Variants in CASZ1 observed in about 807,000 individuals in gnomAD.
The protein encoded by CASZ1 is castor zinc finger 1.
CASZ1 carries 28 observed loss-of-function variants against 135.2 expected under a neutral mutation model. The ratio of observed to expected loss-of-function variants is 0.21; its 90% confidence interval spans 0.15 to 0.28. The LOEUF (loss-of-function observed/expected upper bound fraction) is 0.28, where lower values mean the gene tolerates loss of function less well. Among genes scored for constraint, CASZ1 ranks in the 10% least tolerant of loss-of-function variants. The probability of loss-of-function intolerance (pLI) is 1.00; values close to 1 mark genes in which losing one functional copy is unlikely to be tolerated. For synonymous variants in CASZ1, 1,068 were observed against 1,073.4 expected (o/e 0.99, Z 0.10); for missense variants, 2,161 against 2,453.3 (o/e 0.88, Z 2.52).
Position 10,681,956 on chromosome 1 carries a change from G to A in CASZ1, c.16+11918C>T, listed in dbSNP as rs182898782. On this transcript the variant is annotated intron_variant, in intron 4 of 20. Transcript: ENST00000377022. ...GGCCCCAGTTGTTCGAACATTTCTCGGCGAGAGGAACAACTGTTGCTGGCC... is the reference window on the plus strand; with the variant it reads ...GGCCCCAGTTGTTCGAACATTTCTCAGCGAGAGGAACAACTGTTGCTGGCC... Among the ~76,000 whole-genome samples, 5 of 152,302 alleles carry A rather than the reference G, an allele frequency of 3.3e-5. No individual in the cohort carries two copies. The East Asian group carries it at 5.8e-4, about 18-fold the overall frequency.
In CASZ1 at chr1:10,670,025, G is replaced by A. The variant is rs149534519; in HGVS notation, c.17-4454C>T. On this transcript the variant is annotated intron_variant, in intron 4 of 20. Transcript: ENST00000377022. ...TAAGGATGCAGTATCCCCTTTGGGC[G>A]GCCTAATGCCCGCTGTATATCAGGA... is the stretch of plus-strand genomic sequence containing the variant. Among the ~76,000 whole-genome samples, 22 of 152,320 alleles carry A rather than the reference G, an allele frequency of 1.4e-4. No individual in the cohort carries two copies. In the South Asian group the frequency reaches 1.4e-3, roughly 10 times the overall value.
In CASZ1 at chr1:10,643,146, G is replaced by GT. The variant is rs146039805; in HGVS notation, c.4020+13_4020+14insA. On this transcript the variant is annotated intron_variant, in intron 19 of 20. Transcript: ENST00000377022. ...GCCACCCTGGCTGGGCTCTCACCTG[G>GT]GGGGGGCTCTCACCTGGGAGGGGGG... The GT allele has an allele frequency of 1.9e-6, 3 of 1,609,464 alleles. No homozygotes were observed. Among genetic ancestry groups the GT allele is most frequent in the South Asian group, 1.1e-5 (1 of 90,798 alleles).
In CASZ1 at chr1:10,697,898, G is replaced by A. The variant is rs1036853828; in HGVS notation, c.-23-3986C>T. ...AGTCCGTGTGTTTGCGTGTGAGCCC[G>A]CTCCGGGGCCGATGGAGGGAGGGTG... On this transcript the variant is annotated intron_variant, in intron 3 of 20. Coordinates refer to ENST00000377022, the MANE Select transcript of CASZ1 (RefSeq NM_001079843.3). The surrounding 1 kb of genome is among the most constrained non-coding windows in gnomAD (Gnocchi z 4.7). 9.2e-5 allele frequency among the ~76,000 whole-genome samples: 14 copies of A among 152,244 alleles called. No individual in the cohort carries two copies. Among genetic ancestry groups the A allele is most frequent in the African/African-American group, 1.9e-4 (8 of 41,456 alleles).
chr1:10,696,842 G>A (rs527422293), intron 3 of CASZ1, among the ~76,000 whole-genome samples: 2 of 152,352 alleles, frequency 1.3e-5, no homozygotes, highest in East Asian at 1.9e-4. Context: ...AGGAAGGTGT[G>A]GAGGGGAAAA....
intron 18 of CASZ1, among the ~76,000 whole-genome samples, chr1:10,643,537 G>A (rs537581565): frequency 2.6e-5 from 4 of 152,356 alleles, no homozygotes; most frequent in Non-Finnish European, 1.5e-5. Flanking sequence ...TGGCAGAGGC[G>A]AGTGACAATG....
At position 10,650,869 on chromosome 1, in the gene CASZ1, C is replaced by A. The variant is rs149817523; in HGVS notation, c.2816+72G>T. 37 of 1,604,966 alleles carry A rather than the reference C, an allele frequency of 2.3e-5. 1 individual carries two copies. In the East Asian group the frequency reaches 7.1e-4, roughly 31 times the overall value. ...GCCGAGCCCGCTGCAACTGCCTGGG[C>A]GGGACCACCCCGGGGCTCCAGCTCG... On this transcript the variant is annotated intron_variant, in intron 12 of 20. Transcript: ENST00000377022.
intron 3 of CASZ1, among the ~76,000 whole-genome samples, chr1:10,695,251 G>A (rs534906432): frequency 6.6e-6 from 1 of 151,996 alleles, no homozygotes; most frequent in Non-Finnish European, 1.5e-5. Context: ...CCCCAGGAGC[G>A]CCGGCCTGGG....
chr1:10,659,521 CTGTG>C (rs1359724117), intron 6 of CASZ1, among the ~76,000 whole-genome samples, 177 bp downstream of exon 6: 1 of 152,174 alleles, frequency 6.6e-6, no homozygotes, highest in South Asian at 2.1e-4. Context: ...CGGCGCGCAC[CTGTG>C]TGTGTGGAAG....
Position 10,647,499 on chromosome 1 carries a change from C to T in CASZ1, c.3497+302G>A. Reference sequence around the variant, plus strand: ...TCCTTGTCAGGCTGGGAGTTGTCCTCTGAGGACCACCACGCCCAGTCCACC... The same window carrying T: ...TCCTTGTCAGGCTGGGAGTTGTCCTTTGAGGACCACCACGCCCAGTCCACC... On this transcript the variant is annotated intron_variant, in intron 16 of 20. Coordinates refer to ENST00000377022, the MANE Select transcript of CASZ1 (RefSeq NM_001079843.3). This position sits in a 1 kb window ranked among gnomAD's most constrained non-coding sequence, Gnocchi z 4.9. 1.5e-6 allele frequency: 2 copies of T among 1,296,162 alleles called. No homozygotes were observed. Among genetic ancestry groups the T allele is most frequent in the Non-Finnish European group, 2.0e-6 (2 of 1,014,050 alleles). 80.3% of individuals were successfully genotyped at this position (1,296,162 alleles called of 1,614,324 possible).
chr1:10,671,020 C>T (rs1643381989), intron 4 of CASZ1, among the ~76,000 whole-genome samples: 1 of 152,266 alleles, frequency 6.6e-6, no homozygotes, highest in Non-Finnish European at 1.5e-5. Context: ...CCCTCAACAG[C>T]TCCAACTTGG....
Position 10,646,478 on chromosome 1 carries a change from C to G in CASZ1, c.3498-152G>C. 1 of 715,962 alleles carries G rather than the reference C, an allele frequency of 1.4e-6. No individual in the cohort carries two copies. 44.4% of individuals were successfully genotyped at this position (715,962 alleles called of 1,614,324 possible). On this transcript the variant is annotated intron_variant, in intron 16 of 20. Coordinates refer to ENST00000377022, the MANE Select transcript of CASZ1 (RefSeq NM_001079843.3). The surrounding 1 kb of genome is among the most constrained non-coding windows in gnomAD (Gnocchi z 6.4). ...GCTGCTGTCCTGCTCAACAGGATGA[C>G]TCAGCTGGAGACTACAGATCCCAGC...
rs965422779 is a variant in CASZ1 at position 10,757,267 on chromosome 1, C to T, written c.-77+3434G>A. ...AGGAGAAGACACAGAGCCACAAATCCGCGGGCACAGAATGCTTGAGTCATC... is the reference window on the plus strand; with the variant it reads ...AGGAGAAGACACAGAGCCACAAATCTGCGGGCACAGAATGCTTGAGTCATC... On this transcript the variant is annotated intron_variant, in intron 2 of 20. Coordinates refer to ENST00000377022, the MANE Select transcript of CASZ1 (RefSeq NM_001079843.3). This position sits in a 1 kb window ranked among gnomAD's most constrained non-coding sequence, Gnocchi z 4.6. Among the ~76,000 whole-genome samples the T allele has an allele frequency of 3.3e-5, 5 of 152,166 alleles. No individual in the cohort carries two copies. The highest frequency in any genetic ancestry group is 7.2e-5 in the African/African-American group (3 of 41,424).
chr1:10,690,696 C>T (rs1638739191), intron 4 of CASZ1, among the ~76,000 whole-genome samples: 1 of 152,238 alleles, frequency 6.6e-6, no homozygotes, highest in South Asian at 2.1e-4. Flanking sequence ...AGTCCGTGGC[C>T]ATCCCTTTAA....
In CASZ1 at chr1:10,719,859, G is replaced by A. The variant is rs1043204798; in HGVS notation, c.-76-14315C>T. ...GGTTCAAAGGCCCACAGAAGCCACC[G>A]GAGGCAGCTCCCAGCCCCTGAGAGG... On this transcript the variant is annotated intron_variant, in intron 2 of 20. Transcript: ENST00000377022. This position sits in a 1 kb window ranked among gnomAD's most constrained non-coding sequence, Gnocchi z 4.0. 3.3e-5 allele frequency among the ~76,000 whole-genome samples: 5 copies of A among 152,252 alleles called. No homozygotes were observed. Among genetic ancestry groups the A allele is most frequent in the Non-Finnish European group, 5.9e-5 (4 of 68,050 alleles).
At chr1:10,728,361 G>A (rs1030738612) in intron 2 of CASZ1, among the ~76,000 whole-genome samples, 8 of 152,180 alleles carry the variant, frequency 5.3e-5, no homozygotes, top group African/African-American at 1.9e-4. Flanking sequence ...ATGGACCACG[G>A]GAAAAGGTCA....
intron 2 of CASZ1, among the ~76,000 whole-genome samples, chr1:10,749,958 G>T (rs78971008): frequency 0.038 from 5,838 of 152,296 alleles, 147 homozygotes; most frequent in East Asian, 0.13. Context: ...CTGGCTCTCT[G>T]TTGGCACCTC....
chr1:10,643,723 C>T (rs541478987), intron 18 of CASZ1, among the ~76,000 whole-genome samples: 91 of 152,304 alleles, frequency 6.0e-4, no homozygotes, highest in African/African-American at 1.8e-3. Flanking sequence ...CCAGCACCCA[C>T]GGGGCCTCGC....
At chr1:10,695,008 A>G (rs1638898110) in intron 3 of CASZ1, among the ~76,000 whole-genome samples, 1 of 145,738 alleles carries the variant, frequency 6.9e-6, no homozygotes, top group Non-Finnish European at 1.5e-5. Flanking sequence ...CTTTTCCGCG[A>G]GGGCGGGCGC....
Position 10,653,625 on chromosome 1 carries a change from G to A in CASZ1, c.2432C>T (p.Thr811Ile). Residue 811 changes from threonine to isoleucine, a missense_variant, in exon 11 of 21, where the codon ACC becomes ATC. This residue lies in a region of CASZ1 where 406 missense variants were observed against 387.6 expected (regional missense o/e 1.05). Transcript: ENST00000377022. ...YFPILAGRGS[T>I]SLPVGTPSLL... ...GCTGGGGGTGCCCACAGGCAGGGAG[G>A]TGCTCCCACGGCCAGCCAGTATGGG... 3 of 1,550,450 alleles carry A rather than the reference G, an allele frequency of 1.9e-6. No homozygotes were observed. The highest frequency in any genetic ancestry group is 1.7e-6 in the Non-Finnish European group (2 of 1,147,636).
Sources: gnomAD v4.1 joint callset for allele counts (sites outside exome capture counted in the v4.1 genomes callset) on GRCh38, gnomAD v4.1.1 for gene constraint, gnomAD v4.1.1 regional missense constraint, Gnocchi (gnomAD v3.1) non-coding constraint, MANE v1.5 for transcripts, NCBI Gene and HGNC (gene_info 2026-07-23, HGNC 2026-07-21) for gene names.